SORCS1: variants seen among roughly 807,000 people sequenced by gnomAD.
SORCS1 encodes VPS10 domain-containing receptor SorCS1.
SORCS1 carries 60 observed loss-of-function variants against 146.1 expected under a neutral mutation model. The ratio of observed to expected loss-of-function variants is 0.41; its 90% confidence interval spans 0.33 to 0.51. The LOEUF is 0.51. Ranked by LOEUF, SORCS1 falls within the 20% of genes least tolerant of loss-of-function variation. The pLI is 0.21. For synonymous variants in SORCS1, 637 were observed against 584.0 expected, an observed-to-expected ratio of 1.09 and a Z score of -1.31; for missense variants, 1,352 against 1,487.6, an observed-to-expected ratio of 0.91 and a Z score of 1.50.
chr10:106,764,592 C>T (rs1361456239), intron 4 of SORCS1, among the ~76,000 whole-genome samples: 2 of 152,138 alleles, frequency 1.3e-5, no homozygotes. Flanking sequence ...TCTGTCACAT[C>T]AGAGAAAGCA....
At chr10:106,923,340 C>G (rs2138440653) in intron 2 of SORCS1, among the ~76,000 whole-genome samples, 1 of 152,182 alleles carries the variant, frequency 6.6e-6, no homozygotes, top group Middle Eastern at 3.4e-3. Context: ...CTTAATAGCT[C>G]ATTTCTTTTT....
intron 2 of SORCS1, among the ~76,000 whole-genome samples, chr10:106,879,391 C>G (rs1367557509): frequency 1.3e-5 from 2 of 152,160 alleles, no homozygotes; most frequent in Non-Finnish European, 2.9e-5. Context: ...CTTTTTATCT[C>G]TACATTGTAT....
chr10:107,028,831 C>T (rs1014547361), intron 1 of SORCS1, among the ~76,000 whole-genome samples: 18 of 152,312 alleles, frequency 1.2e-4, no homozygotes, highest in Admixed American at 4.6e-4. Flanking sequence ...ATTGCATATG[C>T]TTACTTCTAA....
chr10:106,749,285 G>A (rs1291253976), intron 5 of SORCS1, among the ~76,000 whole-genome samples: 3 of 152,210 alleles, frequency 2.0e-5, no homozygotes, highest in Non-Finnish European at 4.4e-5. Context: ...ACAGGTTCTA[G>A]TTTGTCCTTG....
chr10:107,105,130 A>C (rs1210834208), intron 1 of SORCS1, among the ~76,000 whole-genome samples: 1 of 152,220 alleles, frequency 6.6e-6, no homozygotes, highest in Non-Finnish European at 1.5e-5. Context: ...GTGAGTTAAT[A>C]ACTGTGTTTA....
At chr10:107,150,939 G>A (rs756557998) in intron 1 of SORCS1, among the ~76,000 whole-genome samples, 4 of 152,106 alleles carry the variant, frequency 2.6e-5, no homozygotes, top group Non-Finnish European at 4.4e-5. Flanking sequence ...GCCCAGTCCC[G>A]GGTATATCTT....
intron 2 of SORCS1, among the ~76,000 whole-genome samples, chr10:106,903,408 T>C (rs1196196271): frequency 6.6e-6 from 1 of 152,248 alleles, no homozygotes; most frequent in Non-Finnish European, 1.5e-5. Context: ...GAGTGCCAGT[T>C]GTTTCTTGTC....
chr10:106,804,762 T>G (rs1947080564), intron 3 of SORCS1, among the ~76,000 whole-genome samples: 1 of 152,150 alleles, frequency 6.6e-6, no homozygotes, highest in Non-Finnish European at 1.5e-5. Flanking sequence ...GACCTCTTCA[T>G]GAACATATAT....
intron 1 of SORCS1, among the ~76,000 whole-genome samples, chr10:107,019,004 A>G (rs1958014885): frequency 6.6e-6 from 1 of 152,178 alleles, no homozygotes; most frequent in Non-Finnish European, 1.5e-5. Context: ...ATTTTAGGTA[A>G]CTCACTTTAA....
chr10:107,164,396 C>T lies in SORCS1; in HGVS notation c.131G>A (p.Ser44Asn). The T allele has an allele frequency of 7.0e-7, 1 of 1,437,340 alleles. No homozygotes were observed. The highest frequency in any genetic ancestry group is 9.1e-7 in the Non-Finnish European group (1 of 1,100,230). The allele number at this position is 1,437,340 out of a possible 1,614,324, so 89.0% of individuals were successfully genotyped here. A position where few individuals can be genotyped will look rare whatever the true frequency, so the allele number is the denominator to read the frequency against. ...GGSCCPSPHP[S>N]SAPRSASTPR... ...GGTCGAGGCCGAGCGTGGAGCGGAGCTGGGGTGCGGCGAGGGGCAGCAGGA... is the reference window on the plus strand; with the variant it reads ...GGTCGAGGCCGAGCGTGGAGCGGAGTTGGGGTGCGGCGAGGGGCAGCAGGA... The change falls in exon 1 of 26, where the codon AGC (serine) becomes AAC (asparagine). Residue 44 changes from serine (S) to asparagine (N), a missense_variant. Ser to Asn is a conservative substitution (Grantham distance 46). Around this residue, in one of 3 missense-constraint regions of SORCS1, gnomAD observed 490 missense variants for 489.1 expected, o/e 1.00. Transcript: ENST00000263054. This position sits in a 1 kb window ranked among gnomAD's most constrained non-coding sequence, Gnocchi z 6.8.
chr10:106,919,593 G>GA (rs1467526353), intron 2 of SORCS1, among the ~76,000 whole-genome samples: 2 of 152,052 alleles, frequency 1.3e-5, no homozygotes, highest in South Asian at 4.2e-4. Flanking sequence ...AGCATGAAGT[G>GA]AAAAAAATGG....
intron 1 of SORCS1, among the ~76,000 whole-genome samples, chr10:107,011,173 T>G (rs914944154): frequency 6.6e-6 from 1 of 152,236 alleles, no homozygotes; most frequent in Non-Finnish European, 1.5e-5. Context: ...ACTTTTTGGC[T>G]GTGGACAAAA....
intron 22 of SORCS1, 86 bp from the exon 23 acceptor site, chr10:106,607,383 T>C: frequency 6.5e-7 from 1 of 1,540,436 alleles, no homozygotes; most frequent in Non-Finnish European, 8.7e-7. Flanking sequence ...GGATCAGGGG[T>C]AGGCAGAAGA....
At position 106,671,268 on chromosome 10, in the gene SORCS1, G is replaced by A; in HGVS notation, c.2158C>T (p.Pro720Ser). 1 of 1,614,108 alleles carries A rather than the reference G, an allele frequency of 6.2e-7. No individual in the cohort carries two copies. ...GKYAGAMESEPCVCTEADFDC... is the reference protein window; with the variant it reads ...GKYAGAMESESCVCTEADFDC... ...AAATCAGCCTCAGTGCAGACACAGG[G>A]TTCAGATTCCATAGCTCCTGCATAT... Residue 720 changes from proline (P) to serine (S), a missense_variant, in exon 16 of 26, where the codon CCC becomes TCC. This residue lies in a region of SORCS1 where 648 missense variants were observed against 793.8 expected (regional missense o/e 0.82). Transcript: ENST00000263054.
chr10:106,908,036 A>G (rs929786454), intron 2 of SORCS1, among the ~76,000 whole-genome samples: 6 of 152,186 alleles, frequency 3.9e-5, no homozygotes, highest in African/African-American at 9.7e-5. Context: ...CACTCAGCAT[A>G]TGGTGCCTTA....
rs185233906 is a variant in SORCS1, at chr10:106,731,685, T to C, written c.960-1571A>G. On this transcript the variant is annotated intron_variant, in intron 5 of 25. Coordinates refer to ENST00000263054, the MANE Select transcript of SORCS1 (RefSeq NM_052918.5). ...AAGAATTATTTTTGTGTTTTTCCAA[T>C]ATGAAGGCATCCTCTTCCCCCAACA... 2.9e-3 allele frequency among the ~76,000 whole-genome samples: 435 copies of C among 152,268 alleles called. 2 individuals are homozygous for C. The highest frequency in any genetic ancestry group is 0.01 in the African/African-American group (421 of 41,552).
intron 18 of SORCS1, among the ~76,000 whole-genome samples, chr10:106,636,895 C>T (rs184692765): frequency 6.6e-6 from 1 of 152,316 alleles, no homozygotes; most frequent in Admixed American, 6.5e-5. Context: ...GGTGCTCATT[C>T]CCAGATGGGT....
intron 9 of SORCS1, among the ~76,000 whole-genome samples, chr10:106,692,443 G>A (rs1853367312): frequency 1.3e-5 from 2 of 152,130 alleles, no homozygotes; most frequent in Admixed American, 1.3e-4. Flanking sequence ...TGGTAACCAC[G>A]ACTGGGGAGA....
intron 18 of SORCS1, among the ~76,000 whole-genome samples, chr10:106,637,196 G>GT (rs1394857323): frequency 2.6e-5 from 4 of 152,152 alleles, no homozygotes; most frequent in Non-Finnish European, 4.4e-5. Flanking sequence ...TTAAAAACCA[G>GT]TCTAGGATAA....
Sources: allele counts gnomAD v4.1 joint callset (sites outside exome capture counted in the v4.1 genomes callset), GRCh38; gene constraint gnomAD v4.1.1; regional missense constraint gnomAD v4.1.1; non-coding constraint Gnocchi (gnomAD v3.1); transcripts MANE v1.5; gene names NCBI Gene and HGNC (gene_info 2026-07-23, HGNC 2026-07-21).